Variants in USP13 observed in about 807,000 individuals in gnomAD.
The protein encoded by USP13 is ubiquitin specific peptidase 13.
In USP13, 68 loss-of-function variants were observed where a neutral mutation model predicts 107.8. That is an observed-to-expected ratio of 0.63 (90% CI 0.52 to 0.77). The LOEUF is 0.77. USP13 is among the 30% of genes least tolerant of loss of function. The probability of loss-of-function intolerance (pLI) is 0.00; values close to 1 mark genes in which losing one functional copy is unlikely to be tolerated. For synonymous variants in USP13, 377 were observed against 389.5 expected, an observed-to-expected ratio of 0.97 and a Z score of 0.38; for missense variants, 945 against 1,093.3, an observed-to-expected ratio of 0.86 and a Z score of 1.91.
chr3:179,743,926 G>T (rs1323035414), intron 12 of USP13, among the ~76,000 whole-genome samples: 11 of 126,232 alleles, frequency 8.7e-5, no homozygotes, highest in East Asian at 2.3e-4. Flanking sequence ...TAAATAAGGA[G>T]TTTTTTTTTT....
At chr3:179,748,770 G>C (rs1368407938) in intron 13 of USP13, among the ~76,000 whole-genome samples, 1 of 152,204 alleles carries the variant, frequency 6.6e-6, no homozygotes, top group African/African-American at 2.4e-5. Flanking sequence ...ATAGTGTGGG[G>C]TTGCAGAGCA....
At position 179,730,715 on chromosome 3, in the gene USP13, T is replaced by C. The variant is rs1218185448; in HGVS notation, c.1254+6T>C. 2.5e-6 allele frequency: 4 copies of C among 1,612,444 alleles called. No homozygotes were observed. In the African/African-American group the frequency reaches 5.3e-5, roughly 22 times the overall value. On this transcript the variant is annotated splice_donor_region_variant and intron_variant, in intron 10 of 20. Coordinates refer to ENST00000263966, the MANE Select transcript of USP13 (RefSeq NM_003940.3). ...TGATGAAGGAGGAGCACAAGGTATG[T>C]GTCCGAGCGTTTGCCATGTTGACAT...
At chr3:179,775,135 A>G (rs563334963) in intron 19 of USP13, among the ~76,000 whole-genome samples, 1 of 151,620 alleles carries the variant, frequency 6.6e-6, no homozygotes, top group African/African-American at 2.4e-5. Flanking sequence ...TACAGTGCTG[A>G]TTGGTGCGTT....
intron 4 of USP13, 85 bp from the exon 5 acceptor site, chr3:179,706,849 C>T (rs1055413665): frequency 7.0e-7 from 1 of 1,438,036 alleles, no homozygotes; most frequent in South Asian, 1.4e-5. Context: ...TTTTTAAATT[C>T]ATATTCTAGT....
rs1720463422 is a variant in USP13 at position 179,661,781 on chromosome 3, T to TTCCCAGAG, written c.168+8393_168+8400dup. 3.9e-5 allele frequency among the ~76,000 whole-genome samples: 6 copies of TTCCCAGAG among 152,156 alleles called. No homozygotes were observed. The South Asian group carries it at 1.2e-3, about 32-fold the overall frequency. ...AGGGGCTGGCTCCTGGACATTGCAT[T>TTCCCAGAG]TCCCAGAGTCCCTTGGTGGCAAGAT... On this transcript the variant is annotated intron_variant, in intron 1 of 20. Transcript: ENST00000263966.
At chr3:179,657,351 A>G (rs1360499893) in intron 1 of USP13, among the ~76,000 whole-genome samples, 1 of 151,980 alleles carries the variant, frequency 6.6e-6, no homozygotes, top group Non-Finnish European at 1.5e-5. Flanking sequence ...CCAGGATTGC[A>G]CCACTGCACT....
chr3:179,715,605 C>T (rs1029342336), intron 6 of USP13, among the ~76,000 whole-genome samples: 3 of 151,920 alleles, frequency 2.0e-5, no homozygotes, highest in Non-Finnish European at 2.9e-5. Flanking sequence ...CCTTGTGATC[C>T]GCCTGTCTTT....
intron 1 of USP13, among the ~76,000 whole-genome samples, chr3:179,679,664 A>T (rs1204220643): frequency 1.3e-5 from 2 of 152,142 alleles, no homozygotes; most frequent in African/African-American, 4.8e-5. Context: ...TTGACTGTTC[A>T]TTGTAGCAGT....
chr3:179,769,307 G>T (rs770216314), intron 19 of USP13, among the ~76,000 whole-genome samples: 4 of 152,022 alleles, frequency 2.6e-5, no homozygotes, highest in Non-Finnish European at 4.4e-5. Flanking sequence ...CCTAATTCTA[G>T]GTTAATTAGG....
At chr3:179,659,152 T>C (rs1156473724) in intron 1 of USP13, among the ~76,000 whole-genome samples, 1 of 152,156 alleles carries the variant, frequency 6.6e-6, no homozygotes, top group Non-Finnish European at 1.5e-5. Flanking sequence ...TGGGAGTCTT[T>C]GGAAACTCTG....
intron 3 of USP13, among the ~76,000 whole-genome samples, chr3:179,694,528 C>A (rs1397584331): frequency 6.6e-6 from 1 of 151,806 alleles, no homozygotes; most frequent in African/African-American, 2.4e-5. Context: ...GGAGGCCGGG[C>A]GCGGTGGCTC....
At chr3:179,739,491 C>G (rs1714111871) in intron 10 of USP13, among the ~76,000 whole-genome samples, 1 of 152,244 alleles carries the variant, frequency 6.6e-6, no homozygotes, top group Admixed American at 6.5e-5. Context: ...AGGAGGGGTC[C>G]TCTCCTATAC....
intron 3 of USP13, among the ~76,000 whole-genome samples, chr3:179,691,451 T>C (rs1053115045): frequency 3.9e-5 from 6 of 152,182 alleles, no homozygotes; most frequent in African/African-American, 1.4e-4. Flanking sequence ...TATCTGATGT[T>C]TTCTCATGAA....
At chr3:179,665,078 C>T (rs945143055) in intron 1 of USP13, among the ~76,000 whole-genome samples, 1 of 151,984 alleles carries the variant, frequency 6.6e-6, no homozygotes, top group Non-Finnish European at 1.5e-5. Context: ...CAGAGTGAGA[C>T]CTTGTCTCAA....
chr3:179,780,874 A>AT (rs1715722708), intron 19 of USP13, among the ~76,000 whole-genome samples: 1 of 152,088 alleles, frequency 6.6e-6, no homozygotes, highest in African/African-American at 2.4e-5. Context: ...ATGCAAGCCC[A>AT]TTTTTTTCCT....
chr3:179,750,304 GTATATATATATATATATGTGTGTATA>G (rs1714555780), intron 13 of USP13, among the ~76,000 whole-genome samples: 2 of 113,516 alleles, frequency 1.8e-5, no homozygotes, highest in African/African-American at 5.8e-5. Context: ...ATATGTGTGT[GTATATATATATATATATGTGTGTATA>G]TATATATATA....
intron 6 of USP13, among the ~76,000 whole-genome samples, chr3:179,709,220 C>T (rs969274782): frequency 3.9e-5 from 6 of 152,150 alleles, no homozygotes; most frequent in Non-Finnish European, 7.3e-5. Context: ...GCTCAGTGCA[C>T]GCTGTAAGGT....
intron 20 of USP13, among the ~76,000 whole-genome samples, chr3:179,783,524 A>G (rs1374622032): frequency 2.0e-5 from 3 of 152,202 alleles, no homozygotes; most frequent in African/African-American, 7.2e-5. Context: ...GGATTTTTTT[A>G]AAATTCTGGT....
rs529398353 is a variant in USP13, at chr3:179,675,235, G to T, written c.169-6643G>T. Among the ~76,000 whole-genome samples the T allele has an allele frequency of 8.4e-4, 128 of 151,740 alleles. 1 individual carries two copies. Among genetic ancestry groups the T allele is most frequent in the African/African-American group, 3.1e-3 (126 of 41,268 alleles). ...TGTTGACATTCCCTTTTAAAAGTGG[G>T]CTGAATATATGAGTCTGCTCTTTTT... On this transcript the variant is annotated intron_variant, in intron 1 of 20. Coordinates refer to ENST00000263966, the MANE Select transcript of USP13 (RefSeq NM_003940.3).
Sources: gnomAD v4.1 joint callset for allele counts (sites outside exome capture counted in the v4.1 genomes callset) on GRCh38, gnomAD v4.1.1 for gene constraint, MANE v1.5 for transcripts, NCBI Gene and HGNC (gene_info 2026-07-23, HGNC 2026-07-21) for gene names.